Variants in IL1RAPL2 observed in about 807,000 individuals in gnomAD.
IL1RAPL2 encodes X-linked interleukin-1 receptor accessory protein-like 2.
IL1RAPL2 carries 3 observed loss-of-function variants against 44.1 expected under a neutral mutation model. The ratio of observed to expected loss-of-function variants is 0.07; its 90% CI spans 0.03 to 0.18. The LOEUF is 0.18. Among genes scored for constraint, IL1RAPL2 ranks in the 10% least tolerant of loss-of-function variants. The pLI is 1.00. For missense variants in IL1RAPL2, 391 were observed against 496.4 expected (o/e 0.79, Z 2.02); for synonymous variants, 181 against 178.8 (o/e 1.01, Z -0.10).
intron 1 of IL1RAPL2, among the ~76,000 whole-genome samples, chrX:104,585,271 TTA>T (rs1464251330): frequency 0.011 from 201 of 17,818 alleles, 13 homozygotes; most frequent in African/African-American, 0.089. Context: ...ATATAATATA[TTA>T]TATATATTAT....
intron 1 of IL1RAPL2, among the ~76,000 whole-genome samples, 153 bp downstream of exon 1, chrX:104,567,204 T>C (rs1043896190): frequency 8.9e-5 from 10 of 112,918 alleles, no homozygotes; most frequent in South Asian, 3.6e-4. Flanking sequence ...GCCAGTTGGC[T>C]TTCTCTTCCT....
At chrX:105,641,738 C>A (rs1282376998) in intron 6 of IL1RAPL2, among the ~76,000 whole-genome samples, 1 of 111,701 alleles carries the variant, frequency 9.0e-6, no homozygotes, top group Non-Finnish European at 1.9e-5. Context: ...GTTACATCAA[C>A]CAAGATGATA....
intron 5 of IL1RAPL2, among the ~76,000 whole-genome samples, chrX:105,412,362 T>TA (rs2035703717): frequency 9.4e-6 from 1 of 106,268 alleles, no homozygotes; most frequent in Admixed American, 1.0e-4. Context: ...TATTCAGCCA[T>TA]AAAAAAGAAT....
At chrX:104,987,215 A>G (rs2030578690) in intron 2 of IL1RAPL2, among the ~76,000 whole-genome samples, 1 of 111,621 alleles carries the variant, frequency 9.0e-6, no homozygotes, top group Admixed American at 9.5e-5. Context: ...CTCAGCAGTC[A>G]GGGCTACTCA....
At chrX:105,746,668 T>A (rs2038545489) in intron 8 of IL1RAPL2, among the ~76,000 whole-genome samples, 1 of 111,951 alleles carries the variant, frequency 8.9e-6, no homozygotes, top group African/African-American at 3.2e-5. Context: ...ACCATGGTTT[T>A]CTTCCATAAA....
At chrX:105,510,008 C>CA (rs201906962) in intron 6 of IL1RAPL2, among the ~76,000 whole-genome samples, 27 of 106,679 alleles carry the variant, frequency 2.5e-4, no homozygotes, top group Admixed American at 1.2e-3. Flanking sequence ...CCTATCTCTA[C>CA]AAAAAAAAAT....
intron 5 of IL1RAPL2, among the ~76,000 whole-genome samples, chrX:105,357,750 C>A (rs2147709036): frequency 9.0e-6 from 1 of 110,521 alleles, no homozygotes; most frequent in African/African-American, 3.3e-5. Flanking sequence ...CATTCACAGA[C>A]ATTTTCGCTT....
chrX:105,373,192 C>G (rs2035357863), intron 5 of IL1RAPL2, among the ~76,000 whole-genome samples: 1 of 112,091 alleles, frequency 8.9e-6, no homozygotes, highest in African/African-American at 3.2e-5. Context: ...TATTTTTTGA[C>G]TTTTTAATAG....
chrX:104,981,162 C>T (rs1371210359), intron 2 of IL1RAPL2, among the ~76,000 whole-genome samples: 1 of 107,932 alleles, frequency 9.3e-6, no homozygotes, highest in Non-Finnish European at 1.9e-5. Context: ...TCAAGGGGTA[C>T]ATGTGCAGTT....
At chrX:104,782,945 C>T (rs144379784) in intron 2 of IL1RAPL2, among the ~76,000 whole-genome samples, 5 of 111,774 alleles carry the variant, frequency 4.5e-5, no homozygotes, top group Non-Finnish European at 7.5e-5. Context: ...GGAGAATATG[C>T]GGTAAAGAGT....
chrX:105,453,275 C>A (rs2036032143), intron 5 of IL1RAPL2, among the ~76,000 whole-genome samples: 1 of 112,131 alleles, frequency 8.9e-6, no homozygotes, highest in Admixed American at 9.4e-5. Context: ...TAAATATTGG[C>A]TAATGGTAAG....
At chrX:105,046,684 T>C (rs768038309) in intron 2 of IL1RAPL2, among the ~76,000 whole-genome samples, 1 of 111,602 alleles carries the variant, frequency 9.0e-6, no homozygotes, top group African/African-American at 3.3e-5. Context: ...ATCAGCATTA[T>C]GTGTAAGTCC....
At chrX:105,104,051 A>T (rs1171353875) in intron 2 of IL1RAPL2, among the ~76,000 whole-genome samples, 1 of 111,868 alleles carries the variant, frequency 8.9e-6, no homozygotes, top group East Asian at 2.8e-4. Flanking sequence ...AGAACCTGGC[A>T]AACAGTATTT....
chrX:104,964,989 A>C (rs2030092000), intron 2 of IL1RAPL2, among the ~76,000 whole-genome samples: 1 of 110,824 alleles, frequency 9.0e-6, no homozygotes, highest in African/African-American at 3.3e-5. Context: ...CATTTTACAA[A>C]ATGCATACCT....
chrX:104,811,885 T>C (rs1394657161), intron 2 of IL1RAPL2, among the ~76,000 whole-genome samples: 1 of 111,076 alleles, frequency 9.0e-6, no homozygotes. Context: ...GACTGAACGC[T>C]GTTTGTGGCA....
chrX:104,611,121 A>G (rs1305351177), intron 1 of IL1RAPL2, among the ~76,000 whole-genome samples: 1 of 111,787 alleles, frequency 8.9e-6, no homozygotes, highest in Non-Finnish European at 1.9e-5. Context: ...TCTCTAAGTC[A>G]GGGTATACGG....
At chrX:105,504,747 A>G (rs2036419558) in intron 6 of IL1RAPL2, among the ~76,000 whole-genome samples, 1 of 111,724 alleles carries the variant, frequency 9.0e-6, no homozygotes, top group Admixed American at 9.5e-5. Context: ...GTTTTCTTGT[A>G]CATAGATTAT....
chrX:105,375,074 A>G (rs998144974), intron 5 of IL1RAPL2, among the ~76,000 whole-genome samples: 6 of 110,831 alleles, frequency 5.4e-5, no homozygotes, highest in Admixed American at 4.8e-4. Context: ...CCACCTGCAA[A>G]CAGGGAGAGT....
intron 2 of IL1RAPL2, among the ~76,000 whole-genome samples, chrX:105,098,800 T>A (rs1041920942): frequency 1.8e-5 from 2 of 112,314 alleles, no homozygotes; most frequent in Non-Finnish European, 3.8e-5. Context: ...TCTGTGTTCT[T>A]TTTATGTGAC....
Sources: allele counts gnomAD v4.1 joint callset (sites outside exome capture counted in the v4.1 genomes callset), GRCh38; gene constraint gnomAD v4.1.1; transcripts MANE v1.5; gene names NCBI Gene and HGNC (gene_info 2026-07-23, HGNC 2026-07-21).